The following ZNF793 variants were observed in gnomAD, a reference collection of about 807,000 sequenced individuals.
ZNF793 encodes zinc finger protein 793.
In ZNF793, 5 loss-of-function variants were observed where a neutral mutation model predicts 12.4. That is an observed-to-expected ratio of 0.40 (90% CI 0.21 to 0.84). The LOEUF is 0.84. ZNF793 is among the 40% of genes least tolerant of loss of function. The pLI, the probability that ZNF793 is intolerant of heterozygous loss-of-function variation, is 0.35. For missense variants in ZNF793, 456 were observed against 495.0 expected, an observed-to-expected ratio of 0.92 and a Z score of 0.75; for synonymous variants, 162 against 172.4, an observed-to-expected ratio of 0.94 and a Z score of 0.47.
At chr19:37,521,089 G>A (rs1029854054) in intron 3 of ZNF793, among the ~76,000 whole-genome samples, 2 of 150,898 alleles carry the variant, frequency 1.3e-5, no homozygotes, top group Non-Finnish European at 2.9e-5. Flanking sequence ...CTGGGTTCAC[G>A]CCATTCTCCT....
chr19:37,536,247 T>C (rs541457487), intron 7 of ZNF793: 132 of 391,734 alleles, frequency 3.4e-4, no homozygotes, highest in Non-Finnish European at 3.4e-4. Context: ...TGATATTCCC[T>C]TGGATGACTG....
rs371438539 is a variant in ZNF793, at chr19:37,537,787, T to C, written c.1129T>C (p.Tyr377His). 2.5e-6 allele frequency: 4 copies of C among 1,614,090 alleles called. No individual in the cohort carries two copies. Among genetic ancestry groups the C allele is most frequent in the Non-Finnish European group, 3.4e-6 (4 of 1,179,976 alleles). Residue 377 changes from tyrosine (Y) to histidine (H), a missense_variant, in exon 8 of 8, where the codon TAC becomes CAC. Transcript: ENST00000627814. ...GTGCAATGAATGTGGGAAAGCTTTC[T>C]ACCAGAAGCCAAACCTCAGCAGACA... Reference protein sequence around the residue: ...YGCNECGKAFYQKPNLSRHQK... With the variant: ...YGCNECGKAFHQKPNLSRHQK...
rs564855682 is a variant in ZNF793, at chr19:37,508,281, G to C, written c.-398G>C. 6.6e-6 allele frequency: 1 copy of C among 152,170 alleles called. No homozygotes were observed. The highest frequency in any genetic ancestry group is 1.5e-5 in the Non-Finnish European group (1 of 68,046). 9.4% of individuals were successfully genotyped at this position (152,170 alleles called of 1,614,324 possible). On this transcript the variant is annotated 5_prime_UTR_variant, in exon 2 of 8. Coordinates refer to ENST00000627814, the MANE Select transcript of ZNF793 (RefSeq NM_001013659.3). ...TCCTTTAAGGCTCTTTCTGGCAAAG[G>C]TAATGACATACGCATCTGTGCCAGC... is the stretch of plus-strand genomic sequence containing the variant.
At chr19:37,523,493 G>C in intron 5 of ZNF793, 39 bp downstream of exon 5, 3 of 1,604,230 alleles carry the variant, frequency 1.9e-6, no homozygotes, top group South Asian at 1.1e-5. Flanking sequence ...TCCTTCCTGG[G>C]GAAACTGTCC....
intron 2 of ZNF793, among the ~76,000 whole-genome samples, chr19:37,519,536 CAAAT>C (rs1307602770): frequency 6.6e-6 from 1 of 151,890 alleles, no homozygotes; most frequent in Non-Finnish European, 1.5e-5. Context: ...GGACAAATGA[CAAAT>C]AAGGACAAAT....
At position 37,538,875 on chromosome 19, in the gene ZNF793, C is replaced by G. The variant is rs918045827; in HGVS notation, c.*996C>G. 5.9e-5 allele frequency: 9 copies of G among 152,200 alleles called. No individual in the cohort carries two copies. The highest frequency in any genetic ancestry group is 2.1e-4 in the South Asian group (1 of 4,832). The allele number at this position is 152,200 out of a possible 1,614,324, so 9.4% of individuals were successfully genotyped here. Reference sequence around the variant, plus strand: ...AAATGTGAATATCAGACACATGTCACACAACATATAGAATGCCATTCAGAA... The same window carrying G: ...AAATGTGAATATCAGACACATGTCAGACAACATATAGAATGCCATTCAGAA... On this transcript the variant is annotated 3_prime_UTR_variant, in exon 8 of 8. Transcript: ENST00000627814.
chr19:37,528,420 T>C (rs1199227613), intron 5 of ZNF793, among the ~76,000 whole-genome samples: 1 of 151,926 alleles, frequency 6.6e-6, no homozygotes, highest in East Asian at 1.9e-4. Flanking sequence ...AGCTGATGCC[T>C]GTGACCCAAA....
chr19:37,510,447 A>C (rs1177563901), intron 2 of ZNF793, among the ~76,000 whole-genome samples: 1 of 150,364 alleles, frequency 6.7e-6, no homozygotes, highest in Non-Finnish European at 1.5e-5. Flanking sequence ...CCCAGGAGGC[A>C]GAGGTTACAG....
intron 2 of ZNF793, among the ~76,000 whole-genome samples, chr19:37,512,385 C>T (rs187247503): frequency 3.3e-5 from 5 of 151,730 alleles, no homozygotes; most frequent in South Asian, 2.1e-4. Context: ...GGTGGTGGTG[C>T]GTGCCTGTAG....
intron 6 of ZNF793, 121 bp from the exon 7 acceptor site, chr19:37,533,187 C>A: frequency 1.3e-6 from 1 of 741,232 alleles, no homozygotes; most frequent in Non-Finnish European, 2.3e-6. Context: ...TGGTTCTGGA[C>A]AAGGTGTGTG....
At chr19:37,535,521 C>A (rs202108985) in intron 7 of ZNF793, 4 of 151,084 alleles carry the variant, frequency 2.6e-5, no homozygotes, top group South Asian at 2.1e-4. Context: ...AAATAGTTAT[C>A]AAAAAAAAAT....
At chr19:37,526,552 C>T (rs955017247) in intron 5 of ZNF793, among the ~76,000 whole-genome samples, 1 of 152,250 alleles carries the variant, frequency 6.6e-6, no homozygotes, top group Non-Finnish European at 1.5e-5. Context: ...CTGACTGCTG[C>T]TCTTACTACC....
intron 2 of ZNF793, among the ~76,000 whole-genome samples, chr19:37,510,334 G>A (rs1298580636): frequency 6.7e-6 from 1 of 149,646 alleles, no homozygotes; most frequent in East Asian, 2.0e-4. Flanking sequence ...GTGAAACTCC[G>A]TCTCTACTAA....
intron 2 of ZNF793, among the ~76,000 whole-genome samples, chr19:37,508,728 T>G (rs1568783622): frequency 6.6e-6 from 1 of 151,794 alleles, no homozygotes; most frequent in African/African-American, 2.4e-5. Context: ...TAAATATAAA[T>G]AAACAAAATA....
At chr19:37,507,256 G>A (rs2042257324) in intron 1 of ZNF793, 3 of 152,748 alleles carry the variant, frequency 2.0e-5, no homozygotes. Context: ...GAGTGTGTGG[G>A]AATCAATAAA....
chr19:37,509,323 C>T (rs116783954), intron 2 of ZNF793, among the ~76,000 whole-genome samples: 47 of 152,300 alleles, frequency 3.1e-4, no homozygotes, highest in African/African-American at 1.0e-3. Context: ...TAAGTGAGAA[C>T]ATGCAGTATT....
In ZNF793 at chr19:37,537,182, G is replaced by T. The variant is rs200312043; in HGVS notation, c.524G>T (p.Arg175Leu). The part of the protein sequence containing the change: ...ECYAYGKLLQ[R>L]INHGRRPNGE... ...TATGCTTATGGGAAATTGCTTCAGC[G>T]TATAAATCATGGTAGACGACCTAAT... Residue 175 changes from arginine to leucine, a missense_variant, in exon 8 of 8, where the codon CGT becomes CTT. Arg to Leu is a moderately radical substitution (Grantham distance 102). Coordinates refer to ENST00000627814, the MANE Select transcript of ZNF793 (RefSeq NM_001013659.3). 6.2e-7 allele frequency: 1 copy of T among 1,613,482 alleles called. No individual in the cohort carries two copies. The highest frequency in any genetic ancestry group is 8.5e-7 in the Non-Finnish European group (1 of 1,179,632).
At chr19:37,523,718 G>A (rs567694477) in intron 5 of ZNF793, among the ~76,000 whole-genome samples, 17 of 152,228 alleles carry the variant, frequency 1.1e-4, no homozygotes, top group East Asian at 9.7e-4. Context: ...AGCTGGGATG[G>A]CCTTCAGCAT....
intron 2 of ZNF793, among the ~76,000 whole-genome samples, chr19:37,516,468 C>T (rs2147067120): frequency 1.3e-5 from 2 of 151,728 alleles, no homozygotes; most frequent in Admixed American, 1.3e-4. Context: ...CTGAGAGCAT[C>T]CAGATGATGG....
Sources: gnomAD v4.1 joint callset for allele counts (sites outside exome capture counted in the v4.1 genomes callset) on GRCh38, gnomAD v4.1.1 for gene constraint, MANE v1.5 for transcripts, NCBI Gene and HGNC (gene_info 2026-07-23, HGNC 2026-07-21) for gene names.